The following ZNF529 variants were observed in gnomAD, a reference collection of about 807,000 sequenced individuals.
ZNF529 encodes zinc finger protein 529.
In ZNF529, 11 loss-of-function variants were observed where a neutral mutation model predicts 10.1. The ratio of observed to expected loss-of-function variants is 1.09; its 90% CI spans 0.69 to 1.81. ZNF529 has a LOEUF of 1.81. ZNF529 is among the 40% of genes most tolerant of loss of function. The pLI, the probability that ZNF529 is intolerant of heterozygous loss-of-function variation, is 0.00. For synonymous variants in ZNF529, 204 were observed against 215.7 expected (o/e 0.95, Z 0.47); for missense variants, 624 against 666.8 (o/e 0.94, Z 0.71).
chr19:36,562,593 T>C (rs763730864), intron 2 of ZNF529, among the ~76,000 whole-genome samples: 1 of 151,808 alleles, frequency 6.6e-6, no homozygotes, highest in Non-Finnish European at 1.5e-5. Context: ...CCTAGCACTT[T>C]GGGAGGCCGA....
intron 2 of ZNF529, among the ~76,000 whole-genome samples, chr19:36,559,351 C>T (rs1057274687): frequency 1.3e-5 from 2 of 152,244 alleles, no homozygotes; most frequent in African/African-American, 4.8e-5. Flanking sequence ...CTCTTTCACC[C>T]ACGGTGGAGT....
At chr19:36,552,542 C>A (rs2035303757) in intron 4 of ZNF529, among the ~76,000 whole-genome samples, 1 of 152,144 alleles carries the variant, frequency 6.6e-6, no homozygotes. Flanking sequence ...CCTCCTGGAC[C>A]AGATAGGCTT....
At chr19:36,581,547 A>G (rs1195952341) in intron 2 of ZNF529, 2 of 152,228 alleles carry the variant, frequency 1.3e-5, no homozygotes, top group South Asian at 2.1e-4. Context: ...AAAATCTCAC[A>G]CGGACATGTG....
intron 1 of ZNF529, chr19:36,589,755 C>A (rs1027422886): frequency 3.4e-4 from 52 of 151,722 alleles, no homozygotes; most frequent in African/African-American, 1.3e-3. Flanking sequence ...GATTATCAAC[C>A]AACTTGATAA....
Position 36,559,801 on chromosome 19 carries a change from C to A in ZNF529, c.15-3604G>T, listed in dbSNP as rs117222757. Among the ~76,000 whole-genome samples the A allele has an allele frequency of 7.1e-3, 1,079 of 152,178 alleles. 5 individuals are homozygous for A. The highest frequency in any genetic ancestry group is 0.012 in the Non-Finnish European group (805 of 68,010). The stretch of plus-strand genomic sequence containing the variant: ...GGGGTGGTTATCCTTATGCAGCAAA[C>A]CTATATTTCAAAACTTAAGAACATT... On this transcript the variant is annotated intron_variant, in intron 2 of 4. Coordinates refer to ENST00000591340, the MANE Select transcript of ZNF529 (RefSeq NM_020951.5).
chr19:36,583,094 C>A (rs1360958685), intron 2 of ZNF529, among the ~76,000 whole-genome samples: 1 of 152,072 alleles, frequency 6.6e-6, no homozygotes, highest in Non-Finnish European at 1.5e-5. Context: ...CAGGGTCTTG[C>A]TTTGTCAGAC....
rs1277092172 is a variant in ZNF529, at chr19:36,546,656, A to G, written c.*210T>C. On this transcript the variant is annotated 3_prime_UTR_variant, in exon 5 of 5. Transcript: ENST00000591340. The stretch of plus-strand genomic sequence containing the variant: ...CTCATGAAAAAAACTTTTTAACATA[A>G]AAAGGAGAAATATTTGGCAACATCT... 1 of 463,782 alleles carries G rather than the reference A, an allele frequency of 2.2e-6. No homozygotes were observed. Among genetic ancestry groups the G allele is most frequent in the African/African-American group, 2.0e-5 (1 of 49,626 alleles). 28.7% of individuals were successfully genotyped at this position (463,782 alleles called of 1,614,324 possible). A position where few individuals can be genotyped will look rare whatever the true frequency, so the allele number is the denominator to read the frequency against.
At chr19:36,583,674 T>C (rs2036519710) in intron 2 of ZNF529, among the ~76,000 whole-genome samples, 1 of 152,072 alleles carries the variant, frequency 6.6e-6, no homozygotes, top group Non-Finnish European at 1.5e-5. Context: ...TGAAATGTTT[T>C]AAATGGAAAA....
chr19:36,598,041 G>A (rs754017595), intron 1 of ZNF529, among the ~76,000 whole-genome samples: 14 of 152,232 alleles, frequency 9.2e-5, no homozygotes, highest in Admixed American at 3.3e-4. Context: ...AAAGACACAC[G>A]TTCCTAGAGG....
At position 36,554,855 on chromosome 19, in the gene ZNF529, G is replaced by C. The variant is rs1049148981; in HGVS notation, c.109-59C>G. ...TTTAAGGAAATATTTTTGAGAAAAA[G>C]ACAAGAGGAATTGCCTTATAGCAAG... On this transcript the variant is annotated intron_variant, in intron 3 of 4. Transcript: ENST00000591340. The C allele has an allele frequency of 9.0e-5, 129 of 1,434,042 alleles. 4 individuals carry two copies. The Admixed American group carries it at 2.6e-3, about 29-fold the overall frequency. The allele number at this position is 1,434,042 out of a possible 1,614,324, so 88.8% of individuals were successfully genotyped here.
intron 3 of ZNF529, among the ~76,000 whole-genome samples, chr19:36,555,293 T>TAGTAAGTG (rs1179566646): frequency 3.3e-5 from 3 of 90,266 alleles, no homozygotes; most frequent in Non-Finnish European, 4.5e-5. Flanking sequence ...ATAAAGTTTT[T>TAGTAAGTG]TTTTTTTTTT....
At chr19:36,594,417 G>A (rs967431307) in intron 1 of ZNF529, 1 of 152,270 alleles carries the variant, frequency 6.6e-6, no homozygotes, top group Admixed American at 6.5e-5. Flanking sequence ...AAAGGCAACA[G>A]AACTTCATCC....
chr19:36,560,535 AGATT>A (rs2035649032), intron 2 of ZNF529, among the ~76,000 whole-genome samples: 1 of 152,204 alleles, frequency 6.6e-6, no homozygotes, highest in African/African-American at 2.4e-5. Context: ...GTGAGAAATC[AGATT>A]GATAAAATAA....
chr19:36,593,430 A>G (rs941893933), intron 1 of ZNF529, among the ~76,000 whole-genome samples: 1 of 152,162 alleles, frequency 6.6e-6, no homozygotes, highest in East Asian at 1.9e-4. Flanking sequence ...TGGCCTCCCA[A>G]AGTGCTGGGA....
intron 2 of ZNF529, among the ~76,000 whole-genome samples, chr19:36,568,666 T>C (rs2145838421): frequency 6.6e-6 from 1 of 152,118 alleles, no homozygotes; most frequent in African/African-American, 2.4e-5. Context: ...GAGACAGGGT[T>C]TCACTATGTT....
At chr19:36,563,546 GC>G (rs1489847107) in intron 2 of ZNF529, among the ~76,000 whole-genome samples, 1 of 152,084 alleles carries the variant, frequency 6.6e-6, no homozygotes, top group Non-Finnish European at 1.5e-5. Context: ...ATTTACAATT[GC>G]CACTAAAAGA....
At chr19:36,592,757 G>T (rs2036753141) in intron 1 of ZNF529, among the ~76,000 whole-genome samples, 1 of 152,128 alleles carries the variant, frequency 6.6e-6, no homozygotes, top group Non-Finnish European at 1.5e-5. Flanking sequence ...TGGGAGGCAG[G>T]ATTCCATGTA....
chr19:36,587,774 A>T (rs1285782688), intron 2 of ZNF529, among the ~76,000 whole-genome samples: 2 of 152,080 alleles, frequency 1.3e-5, no homozygotes, highest in African/African-American at 4.8e-5. Context: ...ATACTGCATG[A>T]CTCCATTTAT....
At chr19:36,573,534 G>C, upstream of ZNF529, 4 of 468,914 alleles carry the variant, frequency 8.5e-6, no homozygotes, top group South Asian at 6.2e-5. Context: ...AGGTGAAGTC[G>C]AGGCAGTAAT....
Sources: allele counts gnomAD v4.1 joint callset (sites outside exome capture counted in the v4.1 genomes callset), GRCh38; gene constraint gnomAD v4.1.1; transcripts MANE v1.5; gene names NCBI Gene and HGNC (gene_info 2026-07-23, HGNC 2026-07-21).